The following NPAS3 variants were observed in gnomAD, a reference collection of about 807,000 sequenced individuals.
The protein encoded by NPAS3 is neuronal PAS domain-containing protein 3.
A neutral mutation model predicts 73.1 loss-of-function variants in NPAS3; 14 were observed. The ratio of observed to expected loss-of-function variants is 0.19; its 90% CI spans 0.13 to 0.30. The LOEUF is 0.30. Ranked by LOEUF, NPAS3 falls within the 10% of genes least tolerant of loss-of-function variation. The pLI is 1.00. For synonymous variants in NPAS3, 620 were observed against 541.5 expected (o/e 1.14, Z -2.01); for missense variants, 1,096 against 1,250.0 (o/e 0.88, Z 1.86).
rs1188188297 is a variant in NPAS3, at chr14:33,567,516, A to G, written c.558+7306A>G. Among the ~76,000 whole-genome samples the G allele has an allele frequency of 2.0e-5, 3 of 152,236 alleles. No individual in the cohort carries two copies. The East Asian group carries it at 5.8e-4, about 29-fold the overall frequency. On this transcript the variant is annotated intron_variant, in intron 5 of 11. Coordinates refer to ENST00000356141, the Ensembl canonical transcript of NPAS3. ...TGTGCAATGGAGCACAGAGCAGCAC[A>G]GTCAGATGAATGAGGATATGCTATC...
chr14:33,230,754 T>G (rs1006410174), intron 3 of NPAS3, among the ~76,000 whole-genome samples: 1 of 152,232 alleles, frequency 6.6e-6, no homozygotes, highest in African/African-American at 2.4e-5. Context: ...ATTCTTATTT[T>G]TCTTTTAAAA....
chr14:33,061,824 G>A (rs1465285807), intron 2 of NPAS3, among the ~76,000 whole-genome samples: 2 of 152,186 alleles, frequency 1.3e-5, no homozygotes, highest in African/African-American at 2.4e-5. Context: ...TCTGCCTGGA[G>A]CGGTGCCTCA....
chr14:33,000,985 G>A (rs374132590), intron 1 of NPAS3, among the ~76,000 whole-genome samples: 12 of 152,178 alleles, frequency 7.9e-5, no homozygotes, highest in East Asian at 5.8e-4. Context: ...TAGGACATAC[G>A]TTTCTTTTGG....
chr14:33,577,993 T>A (rs1386835632), intron 5 of NPAS3, among the ~76,000 whole-genome samples: 1 of 152,224 alleles, frequency 6.6e-6, no homozygotes, highest in Non-Finnish European at 1.5e-5. Flanking sequence ...TCTCTCGGCC[T>A]TGTGCCAATT....
At chr14:33,703,158 A>T (rs1426688789) in intron 6 of NPAS3, among the ~76,000 whole-genome samples, 16 of 152,120 alleles carry the variant, frequency 1.1e-4, no homozygotes, top group African/African-American at 3.9e-4. Context: ...AATTATAGTC[A>T]AAAGATACAT....
intron 7 of NPAS3, among the ~76,000 whole-genome samples, chr14:33,746,339 C>T (rs1012381141): frequency 6.6e-6 from 1 of 151,778 alleles, no homozygotes; most frequent in Non-Finnish European, 1.5e-5. Flanking sequence ...CAGATGCCTG[C>T]CACCATGCCC....
In NPAS3 at chr14:33,271,315, G is replaced by A. The variant is rs150711961; in HGVS notation, c.385+55889G>A. Among the ~76,000 whole-genome samples the A allele has an allele frequency of 2.0e-5, 3 of 152,212 alleles. No homozygotes were observed. In the East Asian group the frequency reaches 5.8e-4, roughly 30 times the overall value. ...GGGATAGGTCAGAGAATTTCTTTAT[G>A]GCCAGTTTTCACACAGAAAGGCAAA... On this transcript the variant is annotated intron_variant, in intron 3 of 11. Transcript: ENST00000356141.
intron 2 of NPAS3, among the ~76,000 whole-genome samples, chr14:33,206,080 A>C (rs1566675838): frequency 6.6e-6 from 1 of 152,226 alleles, no homozygotes; most frequent in Non-Finnish European, 1.5e-5. Context: ...TAAGGAATTA[A>C]GTTTTCATAA....
intron 1 of NPAS3, among the ~76,000 whole-genome samples, chr14:32,945,908 T>A (rs543740546): frequency 2.0e-5 from 3 of 152,330 alleles, no homozygotes; most frequent in South Asian, 4.1e-4. Context: ...GCCACGTACA[T>A]CTGCCTCTTT....
intron 1 of NPAS3, among the ~76,000 whole-genome samples, chr14:32,977,955 A>G (rs1008147032): frequency 6.6e-6 from 1 of 152,228 alleles, no homozygotes; most frequent in African/African-American, 2.4e-5. Context: ...TGGACTTAAA[A>G]TGATAATAAA....
At chr14:33,456,172 G>A (rs747804796) in intron 4 of NPAS3, among the ~76,000 whole-genome samples, 2 of 152,232 alleles carry the variant, frequency 1.3e-5, no homozygotes, top group East Asian at 1.9e-4. Flanking sequence ...CATTAGCTAC[G>A]AAGATTTATT....
intron 5 of NPAS3, among the ~76,000 whole-genome samples, chr14:33,644,980 C>G (rs1192933746): frequency 6.6e-6 from 1 of 151,026 alleles, no homozygotes; most frequent in African/African-American, 2.4e-5. Context: ...ACTTGGGAGG[C>G]TGAGGCAGGA....
chr14:33,523,210 G>A (rs564421566), intron 4 of NPAS3, among the ~76,000 whole-genome samples: 66 of 152,220 alleles, frequency 4.3e-4, no homozygotes, highest in Non-Finnish European at 5.9e-4. Context: ...GAGGAAGCAC[G>A]TTCCTATTCA....
At chr14:33,237,998 C>T (rs537167962) in intron 3 of NPAS3, among the ~76,000 whole-genome samples, 32 of 151,790 alleles carry the variant, frequency 2.1e-4, no homozygotes, top group South Asian at 1.0e-3. Context: ...CTTAGGAATT[C>T]GTAGCACATT....
intron 2 of NPAS3, among the ~76,000 whole-genome samples, chr14:33,168,961 A>T (rs2045280164): frequency 6.6e-6 from 1 of 152,224 alleles, no homozygotes; most frequent in African/African-American, 2.4e-5. Context: ...TTAAAAGATG[A>T]ATTCGTTTTT....
chr14:33,083,214 A>AAAAAAG (rs71118526), intron 2 of NPAS3, among the ~76,000 whole-genome samples: 1 of 34,924 alleles, frequency 2.9e-5, no homozygotes, highest in Non-Finnish European at 5.8e-5. Context: ...AAAAAAAAAA[A>AAAAAAG]GAAGGGACTT....
At chr14:33,522,601 C>A (rs1198178291) in intron 4 of NPAS3, among the ~76,000 whole-genome samples, 2 of 152,080 alleles carry the variant, frequency 1.3e-5, no homozygotes, top group Non-Finnish European at 2.9e-5. Context: ...GGAAACAATA[C>A]CCCCATTTTT....
intron 6 of NPAS3, among the ~76,000 whole-genome samples, chr14:33,682,975 C>A (rs2059981249): frequency 6.6e-6 from 1 of 152,176 alleles, no homozygotes; most frequent in African/African-American, 2.4e-5. Context: ...ACGCAACTAG[C>A]TACAGAAGGG....
chr14:33,776,618 G>A (rs2062829350), intron 8 of NPAS3, among the ~76,000 whole-genome samples: 1 of 130,864 alleles, frequency 7.6e-6, no homozygotes, highest in African/African-American at 2.9e-5. Flanking sequence ...CCCATCTACA[G>A]ATGATAGTAA....
Sources: gnomAD v4.1 joint callset for allele counts (sites outside exome capture counted in the v4.1 genomes callset) on GRCh38, gnomAD v4.1.1 for gene constraint, MANE v1.5 for transcripts, NCBI Gene and HGNC (gene_info 2026-07-23, HGNC 2026-07-21) for gene names.